The following MICU1 variants were observed in gnomAD, a reference collection of about 807,000 sequenced individuals.
The protein encoded by MICU1 is calcium uptake protein 1, mitochondrial.
MICU1 carries 45 observed loss-of-function variants against 56.8 expected under a neutral mutation model. That is an observed-to-expected ratio of 0.79 (90% CI 0.62 to 1.02). MICU1 has a LOEUF of 1.02. Ranked by LOEUF, MICU1 falls within the 50% of genes least tolerant of loss-of-function variation. MICU1 has a pLI of 0.00. For missense variants in MICU1, 504 were observed against 587.1 expected (o/e 0.86, Z 1.46); for synonymous variants, 186 against 195.1 (o/e 0.95, Z 0.39).
chr10:72,368,717 G>C (rs536358708), intron 11 of MICU1, among the ~76,000 whole-genome samples: 4 of 152,252 alleles, frequency 2.6e-5, no homozygotes, highest in South Asian at 4.1e-4. Flanking sequence ...GATGCTATGG[G>C]GGGCACAGAG....
intron 1 of MICU1, among the ~76,000 whole-genome samples, chr10:72,577,274 C>A (rs913347868): frequency 1.3e-5 from 2 of 151,922 alleles, no homozygotes; most frequent in Non-Finnish European, 2.9e-5. Context: ...CTTTGGGAGG[C>A]CGAGGCAGGC....
chr10:72,368,258 G>A lies in MICU1; in HGVS notation c.1368C>T (p.Leu456=). ...EKPKDMGFTR[L]MQAMWKCAQE... is the part of the protein sequence containing the mutation. Reference sequence around the variant, plus strand: ...GTGCACATTTCCACATGGCCTGCATGAGGCGAGTGAAACCCATGTCTTTGG... The same window carrying A: ...GTGCACATTTCCACATGGCCTGCATAAGGCGAGTGAAACCCATGTCTTTGG... Residue 456 remains leucine (L), a synonymous_variant, in exon 12 of 12, where the codon CTC becomes CTT. Transcript: ENST00000361114. 6.2e-7 allele frequency: 1 copy of A among 1,614,018 alleles called. No homozygotes were observed. The highest frequency in any genetic ancestry group is 8.5e-7 in the Non-Finnish European group (1 of 1,179,894).
At chr10:72,408,286 A>T (rs1863695288) in intron 9 of MICU1, among the ~76,000 whole-genome samples, 1 of 152,126 alleles carries the variant, frequency 6.6e-6, no homozygotes, top group Admixed American at 6.5e-5. Context: ...GCTTACAGTG[A>T]TGGCTGAATA....
At chr10:72,509,559 A>C (rs771482289) in intron 5 of MICU1, among the ~76,000 whole-genome samples, 1 of 152,230 alleles carries the variant, frequency 6.6e-6, no homozygotes, top group Non-Finnish European at 1.5e-5. Context: ...TGTTCATAAG[A>C]AACAGTAGCT....
chr10:72,563,337 T>C (rs1373217222), intron 2 of MICU1, among the ~76,000 whole-genome samples: 2 of 152,154 alleles, frequency 1.3e-5, no homozygotes, highest in South Asian at 4.1e-4. Context: ...CAAAAGTCCA[T>C]TGGCAGATGA....
chr10:72,556,946 T>C (rs944594653), intron 3 of MICU1, among the ~76,000 whole-genome samples: 2 of 151,888 alleles, frequency 1.3e-5, no homozygotes, highest in Non-Finnish European at 2.9e-5. Context: ...GTGTCTGTAA[T>C]TCCAGCTACT....
intron 4 of MICU1, among the ~76,000 whole-genome samples, chr10:72,539,200 A>G (rs943782968): frequency 5.3e-5 from 8 of 152,190 alleles, no homozygotes; most frequent in South Asian, 2.1e-4. Context: ...GAAAATCAAT[A>G]AAGAAACATC....
chr10:72,604,533 A>AGG (rs1442939756), intron 1 of MICU1, among the ~76,000 whole-genome samples: 1 of 151,186 alleles, frequency 6.6e-6, no homozygotes, highest in Non-Finnish European at 1.5e-5. Context: ...TTGGCCTCCC[A>AGG]AAGTGTTGGG....
Position 72,609,116 on chromosome 10 carries a change from A to G in MICU1, c.-2+16894T>C, listed in dbSNP as rs868550255. On this transcript the variant is annotated intron_variant, in intron 1 of 11. Transcript: ENST00000361114. ...CATATGCTACAATATGGATAGATTC[A>G]AAACAACAAATACCATATGATTCCA... Among the ~76,000 whole-genome samples the G allele has an allele frequency of 7.9e-5, 12 of 152,362 alleles. No homozygotes were observed. The Middle Eastern group carries it at 0.014, about 173-fold the overall frequency.
chr10:72,371,948 T>C (rs887635848), intron 11 of MICU1, among the ~76,000 whole-genome samples: 3 of 151,536 alleles, frequency 2.0e-5, no homozygotes, highest in African/African-American at 7.3e-5. Context: ...CCCAGCTACT[T>C]TGGAGGCTGA....
intron 5 of MICU1, among the ~76,000 whole-genome samples, chr10:72,510,315 T>C (rs1867401595): frequency 6.6e-6 from 1 of 152,198 alleles, no homozygotes; most frequent in Non-Finnish European, 1.5e-5. Context: ...TATAAAGTAC[T>C]ATTATATATT....
chr10:72,368,604 T>G (rs1862225610), intron 11 of MICU1, among the ~76,000 whole-genome samples: 1 of 152,210 alleles, frequency 6.6e-6, no homozygotes, highest in Admixed American at 6.5e-5. Flanking sequence ...TTGTGCCAGG[T>G]GTTTAGAACA....
chr10:72,615,726 C>T (rs1841960949), intron 1 of MICU1, among the ~76,000 whole-genome samples: 1 of 152,126 alleles, frequency 6.6e-6, no homozygotes, highest in Non-Finnish European at 1.5e-5. Context: ...GGTGGCTCAT[C>T]ACGCCTGTAA....
At chr10:72,386,274 C>T (rs1029183974) in intron 10 of MICU1, among the ~76,000 whole-genome samples, 2 of 152,092 alleles carry the variant, frequency 1.3e-5, no homozygotes, top group East Asian at 1.9e-4. Context: ...CTCTGCCTCC[C>T]GGGTTCAAAC....
At chr10:72,393,822 G>A (rs2132072478) in intron 10 of MICU1, among the ~76,000 whole-genome samples, 1 of 152,348 alleles carries the variant, frequency 6.6e-6, no homozygotes. Flanking sequence ...CTGGAGTGCA[G>A]TGGTGTGATC....
intron 10 of MICU1, among the ~76,000 whole-genome samples, chr10:72,377,680 TAAGTG>T (rs1338894464): frequency 6.6e-6 from 1 of 152,154 alleles, no homozygotes; most frequent in African/African-American, 2.4e-5. Flanking sequence ...GACACATTCT[TAAGTG>T]AGGTAAAATA....
chr10:72,426,167 G>A (rs1366247662), intron 8 of MICU1, among the ~76,000 whole-genome samples: 1 of 151,988 alleles, frequency 6.6e-6, no homozygotes, highest in Non-Finnish European at 1.5e-5. Context: ...ACAGGCATGT[G>A]CCACCATGCC....
At chr10:72,477,647 G>T in intron 6 of MICU1, 2 of 1,088,704 alleles carry the variant, frequency 1.8e-6, no homozygotes, top group Non-Finnish European at 2.7e-6. Context: ...TTGCTGCAAA[G>T]TAAGAAGTTG....
At chr10:72,589,716 A>G (rs1372959319) in intron 1 of MICU1, among the ~76,000 whole-genome samples, 1 of 152,222 alleles carries the variant, frequency 6.6e-6, no homozygotes, top group Non-Finnish European at 1.5e-5. Context: ...AACTGAATAG[A>G]AAGACCAGAA....
Sources: gnomAD v4.1 joint callset for allele counts (sites outside exome capture counted in the v4.1 genomes callset) on GRCh38, gnomAD v4.1.1 for gene constraint, MANE v1.5 for transcripts, NCBI Gene and HGNC (gene_info 2026-07-23, HGNC 2026-07-21) for gene names.